CNR2: variants seen among roughly 807,000 people sequenced by gnomAD.
CNR2 encodes cannabinoid receptor 2 (macrophage).
For missense variants in CNR2, 379 were observed against 439.9 expected, an observed-to-expected ratio of 0.86 and a Z score of 1.24; for synonymous variants, 172 against 182.2, an observed-to-expected ratio of 0.94 and a Z score of 0.45.
In CNR2 at chr1:23,874,509, G is replaced by A; in HGVS notation, c.*26C>T. The stretch of plus-strand genomic sequence containing the variant: ...GGGAGTGAACTGATTTCTGACTTGA[G>A]TTGTTTAAATTGGGAAGAGGCCTCA... On this transcript the variant is annotated 3_prime_UTR_variant, in exon 2 of 2. Coordinates refer to ENST00000374472, the MANE Select transcript of CNR2 (RefSeq NM_001841.3). 6.3e-7 allele frequency: 1 copy of A among 1,594,602 alleles called. No homozygotes were observed. Among genetic ancestry groups the A allele is most frequent in the South Asian group, 1.1e-5 (1 of 89,596 alleles).
chr1:23,888,952 A>C (rs1640137608), intron 1 of CNR2, among the ~76,000 whole-genome samples: 1 of 152,112 alleles, frequency 6.6e-6, no homozygotes, highest in Admixed American at 6.6e-5. Context: ...CTGGGCAATA[A>C]AGCTAGATTC....
At chr1:23,896,988 C>G (rs1196947064) in intron 1 of CNR2, among the ~76,000 whole-genome samples, 2 of 151,384 alleles carry the variant, frequency 1.3e-5, no homozygotes, top group African/African-American at 2.4e-5. Context: ...CAGCTTCAAG[C>G]AATTTTCCTG....
chr1:23,870,888 C>G lies in CNR2; in HGVS notation c.*3647G>C, dbSNP rs184151915. 1 of 152,274 alleles carries G rather than the reference C, an allele frequency of 6.6e-6. No individual in the cohort carries two copies. The highest frequency in any genetic ancestry group is 1.5e-5 in the Non-Finnish European group (1 of 68,116). The allele number at this position is 152,274 out of a possible 1,614,324, so 9.4% of individuals were successfully genotyped here. On this transcript the variant is annotated 3_prime_UTR_variant, in exon 2 of 2. Coordinates refer to ENST00000374472, the MANE Select transcript of CNR2 (RefSeq NM_001841.3). ...GACATAGGGGCTGGGAGTGGTGGCT[C>G]ACACCTGTAATCCTAGCACTTTGGG...
intron 1 of CNR2, among the ~76,000 whole-genome samples, chr1:23,909,106 C>T (rs921453444): frequency 2.6e-5 from 4 of 152,052 alleles, no homozygotes; most frequent in African/African-American, 9.7e-5. Context: ...ACATCCTCCC[C>T]GACTGGATGG....
chr1:23,872,647 G>T lies in CNR2; in HGVS notation c.*1888C>A, dbSNP rs41302015. On this transcript the variant is annotated 3_prime_UTR_variant, in exon 2 of 2. Transcript: ENST00000374472. The stretch of plus-strand genomic sequence containing the variant: ...CTTAGACAAGTGACTTTGCATCTTT[G>T]AGGTTGCCACATCTGTAAAATGAAG... 6.6e-6 allele frequency: 1 copy of T among 152,070 alleles called. No individual in the cohort carries two copies. Among genetic ancestry groups the T allele is most frequent in the African/African-American group, 2.4e-5 (1 of 41,416 alleles). 9.4% of individuals were successfully genotyped at this position (152,070 alleles called of 1,614,324 possible).
intron 1 of CNR2, chr1:23,901,486 G>C: frequency 1.3e-6 from 2 of 1,564,066 alleles, no homozygotes; most frequent in Non-Finnish European, 8.7e-7. Flanking sequence ...CATAGAAGAT[G>C]AGCTCAGGGA....
At chr1:23,879,482 A>G (rs1445934739) in intron 1 of CNR2, among the ~76,000 whole-genome samples, 1 of 152,160 alleles carries the variant, frequency 6.6e-6, no homozygotes, top group Non-Finnish European at 1.5e-5. Flanking sequence ...GCGTGGTGAC[A>G]TATGCCTGTA....
intron 1 of CNR2, among the ~76,000 whole-genome samples, chr1:23,904,644 C>T (rs1051649701): frequency 2.0e-5 from 3 of 152,130 alleles, no homozygotes; most frequent in Admixed American, 6.5e-5. Context: ...TGTCAGCCAT[C>T]GGGAAGTATG....
intron 1 of CNR2, among the ~76,000 whole-genome samples, chr1:23,875,870 G>A (rs1430706381): frequency 2.0e-5 from 3 of 151,932 alleles, no homozygotes; most frequent in African/African-American, 7.3e-5. Flanking sequence ...GAGGTACGTG[G>A]GAATGCAACA....
At chr1:23,911,840 G>A (rs1305615957) in intron 1 of CNR2, among the ~76,000 whole-genome samples, 2 of 152,178 alleles carry the variant, frequency 1.3e-5, no homozygotes, top group Admixed American at 1.3e-4. Flanking sequence ...CCACAAGGTG[G>A]TTACAGAGCT....
chr1:23,910,122 A>AT (rs34885370), intron 1 of CNR2, among the ~76,000 whole-genome samples: 102,393 of 120,292 alleles, frequency 0.85, 45,879 homozygotes, highest in East Asian at 0.98. Flanking sequence ...CTAATTTTTA[A>AT]TTTTTTTTTT....
At chr1:23,882,864 A>C (rs1263627795) in intron 1 of CNR2, among the ~76,000 whole-genome samples, 1 of 152,066 alleles carries the variant, frequency 6.6e-6, no homozygotes, top group Non-Finnish European at 1.5e-5. Flanking sequence ...AAGATAAAAA[A>C]GCCTCATGAG....
intron 1 of CNR2, among the ~76,000 whole-genome samples, chr1:23,893,489 T>A (rs1640222523): frequency 6.6e-6 from 1 of 152,250 alleles, no homozygotes; most frequent in Admixed American, 6.5e-5. Flanking sequence ...ATGTGCAGAT[T>A]AAATAATTAT....
Position 23,874,401 on chromosome 1 carries a change from C to T in CNR2, c.*134G>A. Reference sequence around the variant, plus strand: ...TCTTCCAGGAGTCAGTCCCAACACTCATCAGCAAAAAGGGGTCCGTGTCTA... The same window carrying T: ...TCTTCCAGGAGTCAGTCCCAACACTTATCAGCAAAAAGGGGTCCGTGTCTA... On this transcript the variant is annotated 3_prime_UTR_variant, in exon 2 of 2. Coordinates refer to ENST00000374472, the MANE Select transcript of CNR2 (RefSeq NM_001841.3). 2 of 989,940 alleles carry T rather than the reference C, an allele frequency of 2.0e-6. No individual in the cohort carries two copies. Among genetic ancestry groups the T allele is most frequent in the Non-Finnish European group, 1.5e-6 (1 of 671,052 alleles). The allele number at this position is 989,940 out of a possible 1,614,324, so 61.3% of individuals were successfully genotyped here.
At chr1:23,890,384 A>C (rs908859306) in intron 1 of CNR2, among the ~76,000 whole-genome samples, 1 of 152,056 alleles carries the variant, frequency 6.6e-6, no homozygotes. Flanking sequence ...CTCAGCTGAC[A>C]CTTTGCCACC....
At chr1:23,876,353 C>G (rs1639874276) in intron 1 of CNR2, among the ~76,000 whole-genome samples, 1 of 151,404 alleles carries the variant, frequency 6.6e-6, no homozygotes, top group African/African-American at 2.4e-5. Flanking sequence ...ACTACAGGCA[C>G]CCACCACACC....
chr1:23,900,245 A>G (rs1005315638), intron 1 of CNR2, among the ~76,000 whole-genome samples: 1 of 152,088 alleles, frequency 6.6e-6, no homozygotes, highest in Non-Finnish European at 1.5e-5. Flanking sequence ...CTCCTGGCTC[A>G]CTGGCTCCCC....
At position 23,874,323 on chromosome 1, in the gene CNR2, C is replaced by T. The variant is rs1374638952; in HGVS notation, c.*212G>A. 1.8e-6 allele frequency: 1 copy of T among 556,968 alleles called. No homozygotes were observed. Among genetic ancestry groups the T allele is most frequent in the Non-Finnish European group, 3.2e-6 (1 of 313,480 alleles). The allele number at this position is 556,968 out of a possible 1,614,324, so 34.5% of individuals were successfully genotyped here. ...TTGTGTCTCGCCTACCTGGCTACTCCTCGTGGCCCTACCTATCCAACAGAC... is the reference window on the plus strand; with the variant it reads ...TTGTGTCTCGCCTACCTGGCTACTCTTCGTGGCCCTACCTATCCAACAGAC... On this transcript the variant is annotated 3_prime_UTR_variant, in exon 2 of 2. Transcript: ENST00000374472.
intron 1 of CNR2, among the ~76,000 whole-genome samples, chr1:23,909,008 C>G (rs1262695165): frequency 3.3e-5 from 5 of 151,832 alleles, no homozygotes; most frequent in Non-Finnish European, 5.9e-5. Flanking sequence ...CCTCTCTGGG[C>G]AGTGGAAGCA....
Sources: gnomAD v4.1 joint callset for allele counts (sites outside exome capture counted in the v4.1 genomes callset) on GRCh38, gnomAD v4.1.1 for gene constraint, MANE v1.5 for transcripts, NCBI Gene and HGNC (gene_info 2026-07-23, HGNC 2026-07-21) for gene names.